The following INPP5A variants were observed in gnomAD, a reference collection of about 807,000 sequenced individuals.
The protein encoded by INPP5A is inositol polyphosphate-5-phosphatase A.
In INPP5A, 14 loss-of-function variants were observed where a neutral mutation model predicts 65.2. The observed-to-expected ratio is 0.21, with a 90% CI of 0.14 to 0.34. The LOEUF (loss-of-function observed/expected upper bound fraction) is 0.34, where lower values mean the gene tolerates loss of function less well. Ranked by LOEUF, INPP5A falls within the 10% of genes least tolerant of loss-of-function variation. The probability of loss-of-function intolerance (pLI) is 1.00; values close to 1 mark genes in which losing one functional copy is unlikely to be tolerated. For missense variants in INPP5A, 431 were observed against 545.6 expected, an observed-to-expected ratio of 0.79 and a Z score of 2.09; for synonymous variants, 207 against 208.3, an observed-to-expected ratio of 0.99 and a Z score of 0.05.
Position 132,582,536 on chromosome 10 carries a change from G to A in INPP5A, c.76-25379G>A, listed in dbSNP as rs187857255. On this transcript the variant is annotated intron_variant, in intron 1 of 15. Transcript: ENST00000368594. ...GGGCTCAAGCGATCCTCCCACCTTA[G>A]GCTCCTGAGTAGCTGGGACTAAAGG... Among the ~76,000 whole-genome samples, 46 of 151,686 alleles carry A rather than the reference G, an allele frequency of 3.0e-4. No individual in the cohort carries two copies. In the Middle Eastern group the frequency reaches 0.01, roughly 34 times the overall value.
chr10:132,716,211 C>T (rs777563433), intron 8 of INPP5A, among the ~76,000 whole-genome samples: 39 of 152,356 alleles, frequency 2.6e-4, no homozygotes, highest in African/African-American at 8.4e-4. Flanking sequence ...CATGTGGGCC[C>T]GCAGGTGCCC....
intron 2 of INPP5A, among the ~76,000 whole-genome samples, chr10:132,634,608 A>G (rs1035718030): frequency 2.0e-5 from 3 of 152,250 alleles, no homozygotes; most frequent in Non-Finnish European, 4.4e-5. Flanking sequence ...AAAGTCTCCT[A>G]CAGTGGTTGT....
At chr10:132,638,002 T>G (rs1204225111) in intron 2 of INPP5A, among the ~76,000 whole-genome samples, 1 of 152,162 alleles carries the variant, frequency 6.6e-6, no homozygotes, top group Non-Finnish European at 1.5e-5. Context: ...CACCCTCTTG[T>G]GTTGGTATTG....
At chr10:132,553,291 A>C (rs201790186) in intron 1 of INPP5A, among the ~76,000 whole-genome samples, 27 of 113,560 alleles carry the variant, frequency 2.4e-4, no homozygotes, top group East Asian at 1.8e-3. Flanking sequence ...GCCTTGGTGG[A>C]ATATTGGGTA....
chr10:132,780,958 AG>A (rs1565017140), intron 14 of INPP5A, 41 bp downstream of exon 14: 1 of 272,804 alleles, frequency 3.7e-6, no homozygotes, highest in Non-Finnish European at 6.3e-6. Context: ...TGGGGGACCA[AG>A]GGGAAGCTAG....
At chr10:132,642,584 C>T (rs909173599) in intron 2 of INPP5A, among the ~76,000 whole-genome samples, 2 of 152,170 alleles carry the variant, frequency 1.3e-5, no homozygotes, top group African/African-American at 4.8e-5. Flanking sequence ...CGTCGCAGCC[C>T]CCTCTCCTCC....
rs1383486782 is a variant in INPP5A, at chr10:132,627,575, G to T, written c.118-18293G>T. ...CTCTGTGTCCCCAGCTGCCAGCAAC[G>T]TGCAGCGGATGACAAGTGAAATGAA... is the stretch of plus-strand genomic sequence containing the variant. On this transcript the variant is annotated intron_variant, in intron 2 of 15. Coordinates refer to ENST00000368594, the MANE Select transcript of INPP5A (RefSeq NM_005539.5). The surrounding 1 kb of genome is among the most constrained non-coding windows in gnomAD (Gnocchi z 6.6). Among the ~76,000 whole-genome samples the T allele has an allele frequency of 1.3e-5, 2 of 152,220 alleles. No homozygotes were observed. Among genetic ancestry groups the T allele is most frequent in the African/African-American group, 2.4e-5 (1 of 41,450 alleles).
chr10:132,628,128 A>G (rs887861089), intron 2 of INPP5A, among the ~76,000 whole-genome samples: 16 of 152,230 alleles, frequency 1.1e-4, no homozygotes, highest in African/African-American at 2.7e-4. Flanking sequence ...ACCTCCTGCC[A>G]GTGGTCTGGT....
At chr10:132,558,238 GAGCCGCGACT>G (rs776625403) in intron 1 of INPP5A, among the ~76,000 whole-genome samples, 1 of 152,158 alleles carries the variant, frequency 6.6e-6, no homozygotes, top group Non-Finnish European at 1.5e-5. Flanking sequence ...GGGCCACGCA[GAGCCGCGACT>G]TCCCCAAGCT....
At chr10:132,720,825 G>A (rs1351163055) in intron 8 of INPP5A, among the ~76,000 whole-genome samples, 1 of 150,020 alleles carries the variant, frequency 6.7e-6, no homozygotes, top group Non-Finnish European at 1.5e-5. Context: ...CGGGTTCTGT[G>A]GTACCTGGGT....
In INPP5A at chr10:132,704,963, G is replaced by A. The variant is rs978797442; in HGVS notation, c.475-3350G>A. Reference sequence around the variant, plus strand: ...GGAGTGTGGAGGATGGAGGAAGGGCGTCTGGACAGGCGGCAGGCAGCTCCT... The same window carrying A: ...GGAGTGTGGAGGATGGAGGAAGGGCATCTGGACAGGCGGCAGGCAGCTCCT... On this transcript the variant is annotated intron_variant, in intron 6 of 15. Transcript: ENST00000368594. This position sits in a 1 kb window ranked among gnomAD's most constrained non-coding sequence, Gnocchi z 4.5. 1.3e-4 allele frequency among the ~76,000 whole-genome samples: 20 copies of A among 150,874 alleles called. No homozygotes were observed. Among genetic ancestry groups the A allele is most frequent in the South Asian group, 2.1e-4 (1 of 4,660 alleles).
rs2997645 is a variant in INPP5A at position 132,772,627 on chromosome 10, C to G, written c.978-5044C>G. Among the ~76,000 whole-genome samples the G allele has an allele frequency of 3.6e-3, 183 of 50,732 alleles. 14 individuals are homozygous for G. The highest frequency in any genetic ancestry group is 5.8e-3 in the Non-Finnish European group (141 of 24,120). The allele number at this position is 50,732 out of a possible 152,430, so 33.3% of individuals were successfully genotyped here. A position where few individuals can be genotyped will look rare whatever the true frequency, so the allele number is the denominator to read the frequency against. ...CACAGAGGCCACGGCAGCCACCCCA[C>G]GAAGAGTGGGACGGACACTCAGCAC... On this transcript the variant is annotated intron_variant, in intron 12 of 15. Coordinates refer to ENST00000368594, the MANE Select transcript of INPP5A (RefSeq NM_005539.5).
Position 132,744,530 on chromosome 10 carries a change from C to T in INPP5A, c.733-4987C>T, listed in dbSNP as rs946720282. On this transcript the variant is annotated intron_variant, in intron 9 of 15. Coordinates refer to ENST00000368594, the MANE Select transcript of INPP5A (RefSeq NM_005539.5). ...CGGGCAGATGGGGGAGTTTCAATAC[C>T]GGCTCCTTTAGGGGGTCTCAGTTTG... Among the ~76,000 whole-genome samples, 9 of 152,106 alleles carry T rather than the reference C, an allele frequency of 5.9e-5. No homozygotes were observed. The East Asian group carries it at 1.4e-3, about 23-fold the overall frequency.
chr10:132,775,337 C>T (rs373931322), intron 12 of INPP5A, among the ~76,000 whole-genome samples: 1 of 152,116 alleles, frequency 6.6e-6, no homozygotes, highest in East Asian at 1.9e-4. Flanking sequence ...TGCCTCCCCC[C>T]CCACCCAGCA....
intron 8 of INPP5A, among the ~76,000 whole-genome samples, chr10:132,713,756 C>T (rs899971335): frequency 3.3e-4 from 50 of 152,174 alleles, no homozygotes; most frequent in Non-Finnish European, 1.2e-4. Context: ...GGGGACCTGT[C>T]CGGCCTCCCG....
intron 11 of INPP5A, among the ~76,000 whole-genome samples, chr10:132,757,084 A>T (rs1274232480): frequency 1.3e-5 from 2 of 152,396 alleles, no homozygotes; most frequent in African/African-American, 4.8e-5. Flanking sequence ...GAAAAATGTT[A>T]AAGTTTATAA....
intron 2 of INPP5A, among the ~76,000 whole-genome samples, chr10:132,613,307 C>CTG (rs1339996892): frequency 6.6e-5 from 10 of 151,992 alleles, no homozygotes; most frequent in Non-Finnish European, 1.2e-4. Context: ...CCGAGTCCCC[C>CTG]CGCAGGGCCC....
At chr10:132,585,871 C>T (rs1313451790) in intron 1 of INPP5A, among the ~76,000 whole-genome samples, 1 of 152,206 alleles carries the variant, frequency 6.6e-6, no homozygotes, top group Non-Finnish European at 1.5e-5. Context: ...ACTGCTGGTT[C>T]CTGCTAGCAG....
chr10:132,722,957 TG>T (rs1845913818), intron 8 of INPP5A, among the ~76,000 whole-genome samples: 1 of 152,228 alleles, frequency 6.6e-6, no homozygotes, highest in Non-Finnish European at 1.5e-5. Context: ...AAGTGAGCTC[TG>T]GGAGGGCAGC....
Sources: gnomAD v4.1 joint callset for allele counts (sites outside exome capture counted in the v4.1 genomes callset) on GRCh38, gnomAD v4.1.1 for gene constraint, Gnocchi (gnomAD v3.1) non-coding constraint, MANE v1.5 for transcripts, NCBI Gene and HGNC (gene_info 2026-07-23, HGNC 2026-07-21) for gene names.